SAMMSON: variants seen among roughly 807,000 people sequenced by gnomAD.
SAMMSON encodes survival associated mitochondrial melanoma specific oncogenic non-coding RNA.
chr3:70,051,134 CAAAAAAAAAA>C (rs71126477), intron 3 of SAMMSON, among the ~76,000 whole-genome samples: 2 of 45,220 alleles, frequency 4.4e-5, no homozygotes, highest in Non-Finnish European at 8.1e-5. Flanking sequence ...TACTCCATCT[CAAAAAAAAAA>C]AAAAAAAAAA....
intron 4 of SAMMSON, among the ~76,000 whole-genome samples, chr3:70,085,394 A>C (rs1157393968): frequency 6.6e-6 from 1 of 152,188 alleles, no homozygotes; most frequent in East Asian, 1.9e-4. Flanking sequence ...GCCACTCAGG[A>C]CATTGAGACA....
intron 4 of SAMMSON, among the ~76,000 whole-genome samples, chr3:70,206,388 CA>C (rs767240826): frequency 5.3e-5 from 8 of 152,032 alleles, no homozygotes; most frequent in Non-Finnish European, 1.0e-4. Context: ...AACAATCTGC[CA>C]AGCGCCTCAT....
intron 4 of SAMMSON, among the ~76,000 whole-genome samples, chr3:70,214,259 C>A (rs1701383322): frequency 6.6e-6 from 1 of 152,030 alleles, no homozygotes; most frequent in Non-Finnish European, 1.5e-5. Context: ...GGAAGACGTC[C>A]TTTAAAGACT....
intron 2 of SAMMSON, among the ~76,000 whole-genome samples, chr3:70,401,704 C>T (rs920788327): frequency 1.3e-5 from 2 of 151,934 alleles, no homozygotes; most frequent in African/African-American, 4.8e-5. Context: ...CTATTCCTTG[C>T]TAAAAGAAAT....
At chr3:70,417,797 T>G (rs1701277935) in intron 2 of SAMMSON, among the ~76,000 whole-genome samples, 1 of 152,152 alleles carries the variant, frequency 6.6e-6, no homozygotes, top group Non-Finnish European at 1.5e-5. Context: ...TGGCTCTTCT[T>G]GATCACAGAC....
chr3:70,383,915 T>A (rs1703096474), intron 9 of SAMMSON, among the ~76,000 whole-genome samples: 1 of 152,070 alleles, frequency 6.6e-6, no homozygotes, highest in African/African-American at 2.4e-5. Context: ...TAACAATTTG[T>A]TTTTCTTGTA....
At chr3:70,393,319 TA>T (rs536701287), downstream of SAMMSON, among the ~76,000 whole-genome samples, 7 of 152,352 alleles carry the variant, frequency 4.6e-5, no homozygotes, top group South Asian at 1.4e-3. Context: ...TTTTCTCACA[TA>T]AAATTGGGCT....
chr3:70,080,129 C>T (rs1346932848), intron 4 of SAMMSON, among the ~76,000 whole-genome samples: 1 of 152,170 alleles, frequency 6.6e-6, no homozygotes, highest in Non-Finnish European at 1.5e-5. Flanking sequence ...GTCCAGGATC[C>T]AGACTAGGTG....
intron 4 of SAMMSON, among the ~76,000 whole-genome samples, chr3:70,074,207 G>T (rs1328973760): frequency 6.6e-6 from 1 of 151,900 alleles, no homozygotes; most frequent in Non-Finnish European, 1.5e-5. Flanking sequence ...TGTTGTTTTT[G>T]AATGTTAAAT....
Position 70,262,522 on chromosome 3 carries a change from C to T in SAMMSON, n.674+12852C>T, listed in dbSNP as rs747547501. 5.3e-5 allele frequency among the ~76,000 whole-genome samples: 8 copies of T among 152,008 alleles called. No individual in the cohort carries two copies. The East Asian group carries it at 5.8e-4, about 11-fold the overall frequency. ...GGATGGCTTGGGGGCTCTGGAATGC[C>T]GTTTCATGTGGGCCTTATTTACTGT... On this transcript the variant is annotated intron_variant and non_coding_transcript_variant, in intron 6 of 9. Coordinates refer to ENST00000642114, the Ensembl canonical transcript of SAMMSON.
chr3:70,391,757 A>G (rs374808014), downstream of SAMMSON, among the ~76,000 whole-genome samples: 3 of 152,174 alleles, frequency 2.0e-5, no homozygotes, highest in African/African-American at 7.2e-5. Context: ...TTGAAAAAGA[A>G]TGGGAATTTA....
chr3:70,381,193 A>G (rs948109269), intron 9 of SAMMSON, among the ~76,000 whole-genome samples: 20 of 152,124 alleles, frequency 1.3e-4, no homozygotes, highest in African/African-American at 4.6e-4. Context: ...CCAATTCCTC[A>G]CTCTGAATGT....
At chr3:70,401,357 C>A (rs926715942) in intron 2 of SAMMSON, among the ~76,000 whole-genome samples, 9 of 152,104 alleles carry the variant, frequency 5.9e-5, no homozygotes, top group Non-Finnish European at 1.2e-4. Flanking sequence ...TCTACATGAT[C>A]CAAGAATGCA....
intron 7 of SAMMSON, among the ~76,000 whole-genome samples, chr3:70,338,719 G>T (rs1702685927): frequency 6.6e-6 from 1 of 152,086 alleles, no homozygotes; most frequent in Admixed American, 6.6e-5. Context: ...TCTTCAAGGA[G>T]AACTACAAAC....
intron 1 of SAMMSON, among the ~76,000 whole-genome samples, chr3:70,002,851 G>C (rs1042756954): frequency 2.6e-5 from 4 of 152,008 alleles, no homozygotes; most frequent in Admixed American, 6.6e-5. Flanking sequence ...AGTATTCTAT[G>C]TACTTGCTTT....
intron 3 of SAMMSON, among the ~76,000 whole-genome samples, chr3:70,064,763 T>C (rs1439878851): frequency 6.6e-6 from 1 of 152,086 alleles, no homozygotes; most frequent in African/African-American, 2.4e-5. Context: ...ACTTCTCATG[T>C]TTTTATTCTG....
At chr3:70,425,498 G>T (rs912804537) in intron 2 of SAMMSON, among the ~76,000 whole-genome samples, 1 of 151,788 alleles carries the variant, frequency 6.6e-6, no homozygotes, top group African/African-American at 2.4e-5. Context: ...TGCAAGATCC[G>T]CCTCCCAGGT....
chr3:70,195,111 G>C (rs4488800), intron 4 of SAMMSON, among the ~76,000 whole-genome samples: 25,397 of 152,152 alleles, frequency 0.17, 2,885 homozygotes, highest in Middle Eastern at 0.24. Context: ...AATTCACTGT[G>C]TGGTCTTGAA....
intron 4 of SAMMSON, chr3:70,204,544 A>T (rs1406249660): frequency 6.6e-6 from 1 of 152,166 alleles, no homozygotes; most frequent in Non-Finnish European, 1.5e-5. Flanking sequence ...GGACAAGTGG[A>T]CTATCACCTA....
Sources: allele counts gnomAD v4.1 joint callset (sites outside exome capture counted in the v4.1 genomes callset), GRCh38; gene constraint gnomAD v4.1.1; transcripts MANE v1.5; gene names NCBI Gene and HGNC (gene_info 2026-07-23, HGNC 2026-07-21).